SOX5: variants seen among roughly 807,000 people sequenced by gnomAD.
SOX5 encodes SRY-box transcription factor 5.
A neutral mutation model predicts 92.0 loss-of-function variants in SOX5; 9 were observed. That is an observed-to-expected ratio of 0.10 (90% CI 0.06 to 0.17). The LOEUF (loss-of-function observed/expected upper bound fraction) is 0.17. Among genes scored for constraint, SOX5 ranks in the 10% least tolerant of loss-of-function variants. SOX5 has a pLI of 1.00. For synonymous variants in SOX5, 344 were observed against 336.3 expected, an observed-to-expected ratio of 1.02 and a Z score of -0.25; for missense variants, 642 against 944.5, an observed-to-expected ratio of 0.68 and a Z score of 4.20.
intron 4 of SOX5, among the ~76,000 whole-genome samples, chr12:24,026,433 G>C (rs1954881806): frequency 6.6e-6 from 1 of 151,822 alleles, no homozygotes; most frequent in Non-Finnish European, 1.5e-5. Context: ...TGACCATAGA[G>C]AAGATGTTAA....
At chr12:24,372,337 T>C (rs1272838778) in intron 1 of SOX5, among the ~76,000 whole-genome samples, 1 of 152,110 alleles carries the variant, frequency 6.6e-6, no homozygotes, top group African/African-American at 2.4e-5. Flanking sequence ...CCTGTGTCCA[T>C]GTGTTCTCAC....
intron 1 of SOX5, among the ~76,000 whole-genome samples, chr12:24,423,227 A>G (rs895460580): frequency 1.3e-5 from 2 of 152,206 alleles, no homozygotes; most frequent in African/African-American, 4.8e-5. Flanking sequence ...GAACTGTGGA[A>G]GGACATAAGG....
At chr12:23,579,236 C>G (rs1949712174) in intron 9 of SOX5, among the ~76,000 whole-genome samples, 1 of 152,172 alleles carries the variant, frequency 6.6e-6, no homozygotes, top group African/African-American at 2.4e-5. Context: ...CACCTACATT[C>G]AAGGCAGCAC....
At chr12:24,342,445 A>G (rs1203625108) in intron 2 of SOX5, among the ~76,000 whole-genome samples, 2 of 152,210 alleles carry the variant, frequency 1.3e-5, no homozygotes, top group African/African-American at 2.4e-5. Context: ...TCTATCACCA[A>G]ATGAACCTAT....
intron 3 of SOX5, among the ~76,000 whole-genome samples, chr12:23,818,128 ATC>A (rs1200810043): frequency 1.3e-5 from 2 of 152,218 alleles, no homozygotes; most frequent in Non-Finnish European, 2.9e-5. Flanking sequence ...TGAGATCCTG[ATC>A]TGTGTACAGT....
intron 2 of SOX5, among the ~76,000 whole-genome samples, chr12:23,848,928 T>C (rs1431910695): frequency 6.6e-6 from 1 of 152,220 alleles, no homozygotes; most frequent in Non-Finnish European, 1.5e-5. Context: ...TTGCTTAACC[T>C]TACCCCTTTT....
intron 9 of SOX5, among the ~76,000 whole-genome samples, chr12:23,577,774 C>T (rs535229388): frequency 6.6e-6 from 1 of 151,974 alleles, no homozygotes; most frequent in East Asian, 1.9e-4. Context: ...TGAAATAATT[C>T]CATCACTGAT....
At chr12:24,300,870 T>G (rs1947868996) in intron 2 of SOX5, among the ~76,000 whole-genome samples, 1 of 152,216 alleles carries the variant, frequency 6.6e-6, no homozygotes, top group East Asian at 1.9e-4. Flanking sequence ...GTGCATATGT[T>G]GAATATGTGT....
At chr12:24,011,686 A>G (rs1245428347) in intron 4 of SOX5, among the ~76,000 whole-genome samples, 1 of 152,144 alleles carries the variant, frequency 6.6e-6, no homozygotes, top group East Asian at 1.9e-4. Flanking sequence ...TCACCTTAAC[A>G]CTGGAGACAC....
chr12:23,763,629 C>A (rs1280006025), intron 3 of SOX5, among the ~76,000 whole-genome samples: 1 of 151,666 alleles, frequency 6.6e-6, no homozygotes, highest in Non-Finnish European at 1.5e-5. Flanking sequence ...AGCACAAATA[C>A]AAAATTGCTC....
chr12:23,770,194 C>T (rs939818348), intron 3 of SOX5, among the ~76,000 whole-genome samples: 6 of 151,814 alleles, frequency 4.0e-5, no homozygotes, highest in African/African-American at 1.5e-4. Flanking sequence ...GGCAGAAACT[C>T]ACCTCTTCCC....
rs1220187876 is a variant in SOX5 at position 23,594,747 on chromosome 12, A to G, written c.1164+9640T>C. On this transcript the variant is annotated intron_variant, in intron 9 of 14. Coordinates refer to ENST00000451604, the MANE Select transcript of SOX5 (RefSeq NM_006940.6). ...CTGGTCTTTCTCATTTCCCAACCTG[A>G]CTCTTTATCATTCTCCTTCATGTTC... Among the ~76,000 whole-genome samples, 10 of 151,866 alleles carry G rather than the reference A, an allele frequency of 6.6e-5. No homozygotes were observed. The East Asian group carries it at 1.7e-3, about 26-fold the overall frequency.
chr12:24,070,943 C>T (rs1157490865), intron 4 of SOX5, among the ~76,000 whole-genome samples: 2 of 152,108 alleles, frequency 1.3e-5, no homozygotes, highest in Non-Finnish European at 2.9e-5. Context: ...TGCCTAATCA[C>T]CAAAGGTTAG....
chr12:23,586,619 C>T (rs1388555387), intron 9 of SOX5, among the ~76,000 whole-genome samples: 2 of 148,844 alleles, frequency 1.3e-5, no homozygotes, highest in African/African-American at 4.9e-5. Flanking sequence ...TTATCATTTC[C>T]TTATTCTGTG....
At chr12:23,868,354 T>C (rs2096837630) in intron 2 of SOX5, among the ~76,000 whole-genome samples, 1 of 152,098 alleles carries the variant, frequency 6.6e-6, no homozygotes, top group Admixed American at 6.6e-5. Flanking sequence ...CTGGGAAGAA[T>C]AAACAACTTT....
chr12:23,663,757 A>C (rs1199889006), intron 7 of SOX5, among the ~76,000 whole-genome samples: 2 of 152,280 alleles, frequency 1.3e-5, no homozygotes, highest in Non-Finnish European at 2.9e-5. Context: ...AAAAAATCAG[A>C]ATTTAGTGTA....
At chr12:23,728,113 C>G (rs1230707951) in intron 6 of SOX5, among the ~76,000 whole-genome samples, 1 of 152,142 alleles carries the variant, frequency 6.6e-6, no homozygotes, top group Non-Finnish European at 1.5e-5. Context: ...CCCTTCAGGG[C>G]AGGCCACTTG....
intron 8 of SOX5, among the ~76,000 whole-genome samples, chr12:23,625,556 G>T (rs1022423625): frequency 6.6e-6 from 1 of 152,122 alleles, no homozygotes; most frequent in Non-Finnish European, 1.5e-5. Context: ...CTTGACTCAT[G>T]TGCTCACATA....
intron 1 of SOX5, among the ~76,000 whole-genome samples, chr12:24,516,464 T>A (rs1566365290): frequency 6.6e-6 from 1 of 152,154 alleles, no homozygotes. Flanking sequence ...CATATGAAAG[T>A]CTCCCAATAA....
Sources: gnomAD v4.1 joint callset for allele counts (sites outside exome capture counted in the v4.1 genomes callset) on GRCh38, gnomAD v4.1.1 for gene constraint, MANE v1.5 for transcripts, NCBI Gene and HGNC (gene_info 2026-07-23, HGNC 2026-07-21) for gene names.